The following DNMBP variants were observed in gnomAD, a reference collection of about 807,000 sequenced individuals.
DNMBP encodes the protein dynamin binding protein.
In DNMBP, 87 loss-of-function variants were observed where a neutral mutation model predicts 150.0. That is an observed-to-expected ratio of 0.58 (90% confidence interval 0.49 to 0.69). DNMBP has a LOEUF of 0.69. DNMBP is among the 30% of genes least tolerant of loss of function. DNMBP has a pLI of 0.00. For missense variants in DNMBP, 1,774 were observed against 1,949.0 expected, an observed-to-expected ratio of 0.91 and a Z score of 1.69; for synonymous variants, 711 against 750.4, an observed-to-expected ratio of 0.95 and a Z score of 0.86.
chr10:100,000,859 C>CAAA lies in DNMBP; in HGVS notation c.-11+8976_-11+8978dup, dbSNP rs36026874. Among the ~76,000 whole-genome samples the CAAA allele has an allele frequency of 1.6e-3, 82 of 52,502 alleles. 5 individuals carry two copies. Among genetic ancestry groups the CAAA allele is most frequent in the Non-Finnish European group, 2.5e-3 (62 of 24,890 alleles). The allele number at this position is 52,502 out of a possible 152,430, so 34.4% of individuals were successfully genotyped here. A position where few individuals can be genotyped will look rare whatever the true frequency, so the allele number is the denominator to read the frequency against. ...TTTTAGAAAGTGACACCTGTTATGGCAAAAAAAAAAAAAAAAAAAAAAAAA... is the reference window on the plus strand; with the variant it reads ...TTTTAGAAAGTGACACCTGTTATGGCAAAAAAAAAAAAAAAAAAAAAAAAAAAA... On this transcript the variant is annotated intron_variant, in intron 1 of 16. Transcript: ENST00000324109.
Position 99,892,171 on chromosome 10 carries a change from G to T in DNMBP, c.3156+2775C>A, listed in dbSNP as rs563750205. Among the ~76,000 whole-genome samples the T allele has an allele frequency of 7.2e-3, 989 of 136,604 alleles. 33 individuals carry two copies. Among genetic ancestry groups the T allele is most frequent in the Non-Finnish European group, 0.011 (715 of 63,812 alleles). The allele number at this position is 136,604 out of a possible 152,430, so 89.6% of individuals were successfully genotyped here. The stretch of plus-strand genomic sequence containing the variant: ...CAGCCGCCCCGTCCAGGAGGGAGGT[G>T]GGGGGGTCAGCCCCCTGCCCGGCCA... On this transcript the variant is annotated intron_variant, in intron 11 of 16. Transcript: ENST00000324109.
Position 99,898,353 on chromosome 10 carries a change from G to GA in DNMBP, c.2721-69dup, listed in dbSNP as rs745953468. On this transcript the variant is annotated intron_variant, in intron 8 of 16. Transcript: ENST00000324109. ...ATAGCGCCCAGCCTGGGAACATCGT[G>GA]AGACCCCACCTTAAAAAAAACTTTT... The GA allele has an allele frequency of 2.2e-6, 3 of 1,385,510 alleles. No homozygotes were observed. The East Asian group carries it at 6.9e-5, about 32-fold the overall frequency. 85.8% of individuals were successfully genotyped at this position (1,385,510 alleles called of 1,614,324 possible).
At chr10:99,877,438 T>A in intron 16 of DNMBP, 102 bp from the exon 17 acceptor site, 2 of 865,850 alleles carry the variant, frequency 2.3e-6, no homozygotes, top group African/African-American at 1.7e-5. Context: ...TGCCCACATG[T>A]GGCTACTGAG....
chr10:99,991,227 T>A (rs1182160406), intron 1 of DNMBP, among the ~76,000 whole-genome samples: 2 of 152,006 alleles, frequency 1.3e-5, no homozygotes, highest in Non-Finnish European at 2.9e-5. Context: ...TACAGGCACG[T>A]GCCACCATGC....
chr10:100,006,645 T>C (rs1286205116), intron 1 of DNMBP, among the ~76,000 whole-genome samples: 1 of 151,868 alleles, frequency 6.6e-6, no homozygotes, highest in African/African-American at 2.4e-5. Flanking sequence ...CACTGATGTG[T>C]CCTCCCCACT....
intron 16 of DNMBP, among the ~76,000 whole-genome samples, chr10:99,879,203 G>A (rs937641520): frequency 2.6e-5 from 4 of 151,932 alleles, no homozygotes; most frequent in Admixed American, 6.6e-5. Context: ...AATGGCTCAC[G>A]CCTGTAATCC....
intron 12 of DNMBP, 95 bp downstream of exon 12, chr10:99,888,730 C>T: frequency 1.4e-6 from 2 of 1,449,438 alleles, no homozygotes; most frequent in Non-Finnish European, 1.9e-6. Flanking sequence ...ATGCCTGGTG[C>T]CCAGGGCCTG....
At chr10:99,936,161 TTGA>T (rs1476969511) in intron 4 of DNMBP, among the ~76,000 whole-genome samples, 11 of 152,092 alleles carry the variant, frequency 7.2e-5, no homozygotes, top group East Asian at 1.9e-4. Context: ...TATAAAACAA[TTGA>T]TGATAAAATT....
intron 8 of DNMBP, chr10:99,898,489 T>C: frequency 1.5e-6 from 1 of 677,288 alleles, no homozygotes; most frequent in Non-Finnish European, 2.6e-6. Context: ...ATTCATCTAA[T>C]AAACACCAGG....
intron 3 of DNMBP, among the ~76,000 whole-genome samples, chr10:99,962,291 T>A (rs1435943017): frequency 6.6e-6 from 1 of 152,204 alleles, no homozygotes; most frequent in Non-Finnish European, 1.5e-5. Context: ...ATTTCTACAT[T>A]CCTTTAACTT....
chr10:99,901,861 T>A (rs1005112291), intron 6 of DNMBP, among the ~76,000 whole-genome samples: 2 of 152,130 alleles, frequency 1.3e-5, no homozygotes, highest in Non-Finnish European at 2.9e-5. Flanking sequence ...CTCTGTTCTC[T>A]CACTGTTGTG....
At chr10:99,933,323 T>G (rs2133290551) in intron 4 of DNMBP, among the ~76,000 whole-genome samples, 1 of 151,806 alleles carries the variant, frequency 6.6e-6, no homozygotes, top group African/African-American at 2.4e-5. Context: ...AAATGAATTT[T>G]AAAATAAAAG....
At chr10:99,971,873 T>TTTTG in intron 2 of DNMBP, 107 bp downstream of exon 2, 11 of 938,956 alleles carry the variant, frequency 1.2e-5, no homozygotes, top group Middle Eastern at 3.4e-4. Context: ...TTTTTTTTTT[T>TTTTG]AAGACAGGGT....
At chr10:99,917,229 C>T (rs541783603) in intron 4 of DNMBP, among the ~76,000 whole-genome samples, 53 of 151,942 alleles carry the variant, frequency 3.5e-4, no homozygotes, top group Non-Finnish European at 6.6e-4. Flanking sequence ...TGGTGGCACG[C>T]GCCTATAATC....
chr10:99,992,549 C>G (rs911927929), intron 1 of DNMBP, among the ~76,000 whole-genome samples: 2 of 129,484 alleles, frequency 1.5e-5, no homozygotes, highest in African/African-American at 6.1e-5. Context: ...TTTTTTGAGA[C>G]GGAGTCTGGC....
intron 4 of DNMBP, among the ~76,000 whole-genome samples, chr10:99,913,043 C>T (rs374866509): frequency 2.6e-5 from 4 of 152,212 alleles, no homozygotes; most frequent in East Asian, 1.9e-4. Context: ...GCCTGTAATC[C>T]TAGCGCTTTG....
At chr10:99,949,749 G>C (rs1032211690) in intron 4 of DNMBP, among the ~76,000 whole-genome samples, 2 of 152,026 alleles carry the variant, frequency 1.3e-5, no homozygotes, top group Non-Finnish European at 2.9e-5. Context: ...TAAAAAGTCA[G>C]AACACTTGCT....
At chr10:99,906,051 G>A (rs1289336354) in intron 6 of DNMBP, among the ~76,000 whole-genome samples, 1 of 152,210 alleles carries the variant, frequency 6.6e-6, no homozygotes, top group African/African-American at 2.4e-5. Context: ...GACCTATCTT[G>A]TGAGGGTATG....
At position 100,008,906 on chromosome 10, in the gene DNMBP, C is replaced by G. The variant is rs575863327; in HGVS notation, c.-11+932G>C. Among the ~76,000 whole-genome samples, 7 of 152,320 alleles carry G rather than the reference C, an allele frequency of 4.6e-5. No homozygotes were observed. In the South Asian group the frequency reaches 1.5e-3, roughly 32 times the overall value. ...CATCCGTTTAACTCAGCTATGTAAA[C>G]AAGCAGAGCTAGACTATGCTCAAAC... is the stretch of plus-strand genomic sequence containing the variant. On this transcript the variant is annotated intron_variant, in intron 1 of 16. Coordinates refer to ENST00000324109, the MANE Select transcript of DNMBP (RefSeq NM_015221.4).
Sources: gnomAD v4.1 joint callset for allele counts (sites outside exome capture counted in the v4.1 genomes callset) on GRCh38, gnomAD v4.1.1 for gene constraint, MANE v1.5 for transcripts, NCBI Gene and HGNC (gene_info 2026-07-23, HGNC 2026-07-21) for gene names.